Variants in TMEM132D observed in about 807,000 individuals in gnomAD.
TMEM132D encodes transmembrane protein 132D, also known as mature OL transmembrane protein.
Under a neutral mutation model 62.3 loss-of-function variants are expected in TMEM132D, and 21 were observed. The observed-to-expected ratio is 0.34, with a 90% confidence interval of 0.24 to 0.49. The LOEUF is 0.49. Among genes scored for constraint, TMEM132D ranks in the 20% least tolerant of loss-of-function variants. The pLI is 0.99. For synonymous variants in TMEM132D, 621 were observed against 575.6 expected (o/e 1.08, Z -1.13); for missense variants, 1,346 against 1,402.8 (o/e 0.96, Z 0.65).
chr12:129,786,216 G>A (rs1376801), intron 1 of TMEM132D, among the ~76,000 whole-genome samples: 96,417 of 151,986 alleles, frequency 0.63, 31,857 homozygotes, highest in Non-Finnish European at 0.73. Flanking sequence ...CCTTGCTCCC[G>A]TTATGGGAGC....
intron 3 of TMEM132D, among the ~76,000 whole-genome samples, chr12:129,515,951 CA>C (rs2137077327): frequency 6.6e-6 from 1 of 152,280 alleles, no homozygotes; most frequent in East Asian, 1.9e-4. Context: ...ATAGGGGTGT[CA>C]GCCATGAACC....
chr12:129,508,756 T>G (rs536512641), intron 3 of TMEM132D, among the ~76,000 whole-genome samples: 1 of 151,770 alleles, frequency 6.6e-6, no homozygotes, highest in Non-Finnish European at 1.5e-5. Context: ...AAAAAATCAA[T>G]GAGTAATCAC....
chr12:129,395,093 C>G (rs1415612817), intron 3 of TMEM132D, among the ~76,000 whole-genome samples: 1 of 152,118 alleles, frequency 6.6e-6, no homozygotes, highest in African/African-American at 2.4e-5. Context: ...CCCAAATTAC[C>G]TCAAAACTTC....
intron 2 of TMEM132D, among the ~76,000 whole-genome samples, chr12:129,584,033 A>G (rs1040729770): frequency 1.3e-5 from 2 of 152,210 alleles, no homozygotes; most frequent in African/African-American, 4.8e-5. Flanking sequence ...CCAGTTAAAC[A>G]TGCCTCAAAA....
At chr12:129,593,929 C>T (rs778614008) in intron 2 of TMEM132D, among the ~76,000 whole-genome samples, 5 of 152,094 alleles carry the variant, frequency 3.3e-5, no homozygotes, top group Non-Finnish European at 4.4e-5. Context: ...TTCTTCCCCT[C>T]ATCTTTGCAC....
At chr12:129,636,779 A>G (rs942403121) in intron 2 of TMEM132D, among the ~76,000 whole-genome samples, 6 of 151,368 alleles carry the variant, frequency 4.0e-5, no homozygotes, top group Non-Finnish European at 8.8e-5. Context: ...AGAAAGAGAT[A>G]TCAATTTGGT....
At chr12:129,199,552 A>G (rs751681167) in intron 5 of TMEM132D, among the ~76,000 whole-genome samples, 6 of 152,214 alleles carry the variant, frequency 3.9e-5, no homozygotes, top group African/African-American at 1.4e-4. Context: ...TGTTTTCTCT[A>G]AACTAATATA....
chr12:129,544,180 T>G (rs539150069), intron 2 of TMEM132D, among the ~76,000 whole-genome samples: 4 of 152,236 alleles, frequency 2.6e-5, no homozygotes, highest in Admixed American at 6.5e-5. Context: ...TAAGTCTGAG[T>G]GGTATTGAAC....
At chr12:129,696,838 G>A (rs1021229300) in intron 2 of TMEM132D, among the ~76,000 whole-genome samples, 1 of 152,186 alleles carries the variant, frequency 6.6e-6, no homozygotes, top group South Asian at 2.1e-4. Flanking sequence ...GAATGAGATC[G>A]TTAGATGTCT....
chr12:129,135,193 G>A lies in TMEM132D; in HGVS notation c.1444-50491C>T, dbSNP rs531897015. ...CATCTGGAGTTGGGTTTGTGCATCAGGTAACCCCAGAGACAAACTTCAGAT... is the reference window on the plus strand; with the variant it reads ...CATCTGGAGTTGGGTTTGTGCATCAAGTAACCCCAGAGACAAACTTCAGAT... On this transcript the variant is annotated intron_variant, in intron 5 of 8. Transcript: ENST00000422113. Among the ~76,000 whole-genome samples the A allele has an allele frequency of 3.0e-4, 45 of 152,296 alleles. No homozygotes were observed. In the Middle Eastern group the frequency reaches 0.01, roughly 35 times the overall value.
At chr12:129,260,427 C>T (rs1339333257) in intron 4 of TMEM132D, among the ~76,000 whole-genome samples, 2 of 152,188 alleles carry the variant, frequency 1.3e-5, no homozygotes, top group African/African-American at 4.8e-5. Flanking sequence ...AACATGAGAG[C>T]TGAACAAGTG....
chr12:129,534,699 A>T (rs73155262), intron 2 of TMEM132D, among the ~76,000 whole-genome samples: 29,541 of 152,112 alleles, frequency 0.19, 3,170 homozygotes, highest in East Asian at 0.41. Context: ...CCTGGACAAA[A>T]GGTGGACACA....
chr12:129,135,771 G>C (rs1207206377), intron 5 of TMEM132D, among the ~76,000 whole-genome samples: 1 of 152,124 alleles, frequency 6.6e-6, no homozygotes. Context: ...TCTGTCTTCG[G>C]GTGGTTTGCT....
intron 2 of TMEM132D, among the ~76,000 whole-genome samples, chr12:129,581,817 A>G (rs1276405018): frequency 6.6e-6 from 1 of 152,188 alleles, no homozygotes; most frequent in Non-Finnish European, 1.5e-5. Context: ...CCTTCAATCC[A>G]ATGACGTTGG....
At chr12:129,715,091 T>A (rs1273965268) in intron 1 of TMEM132D, among the ~76,000 whole-genome samples, 5 of 152,224 alleles carry the variant, frequency 3.3e-5, no homozygotes, top group Admixed American at 3.3e-4. Flanking sequence ...TTAATTTGTT[T>A]AGGGATTTAA....
intron 3 of TMEM132D, among the ~76,000 whole-genome samples, chr12:129,389,458 T>G (rs1244798208): frequency 6.6e-6 from 1 of 151,722 alleles, no homozygotes; most frequent in Non-Finnish European, 1.5e-5. Context: ...ATACTAACAC[T>G]AATGTCACTG....
intron 3 of TMEM132D, among the ~76,000 whole-genome samples, chr12:129,515,551 C>A (rs542160376): frequency 5.3e-5 from 8 of 152,240 alleles, no homozygotes; most frequent in African/African-American, 1.4e-4. Flanking sequence ...ACTGCAGAAG[C>A]AGAAGCAGCA....
chr12:129,217,148 C>A (rs1380756216), intron 4 of TMEM132D, among the ~76,000 whole-genome samples: 1 of 152,094 alleles, frequency 6.6e-6, no homozygotes, highest in East Asian at 1.9e-4. Context: ...GTAATGTGAG[C>A]TGCATCAACT....
intron 3 of TMEM132D, among the ~76,000 whole-genome samples, chr12:129,407,669 G>C (rs1871832414): frequency 6.6e-6 from 1 of 151,974 alleles, no homozygotes; most frequent in African/African-American, 2.4e-5. Context: ...CACTTTGGGA[G>C]ACCGAGGCAG....
Sources: gnomAD v4.1 joint callset for allele counts (sites outside exome capture counted in the v4.1 genomes callset) on GRCh38, gnomAD v4.1.1 for gene constraint, MANE v1.5 for transcripts, NCBI Gene and HGNC (gene_info 2026-07-23, HGNC 2026-07-21) for gene names.